The following EFCAB6 variants were observed in gnomAD, a reference collection of about 807,000 sequenced individuals.
EFCAB6 encodes EF-hand calcium binding domain 6.
A neutral mutation model predicts 169.8 loss-of-function variants in EFCAB6; 156 were observed. The ratio of observed to expected loss-of-function variants is 0.92; its 90% confidence interval spans 0.81 to 1.05. EFCAB6 has a LOEUF of 1.05. EFCAB6 is among the 50% of genes least tolerant of loss of function. The pLI, the probability that EFCAB6 is intolerant of heterozygous loss-of-function variation, is 0.00. For missense variants in EFCAB6, 1,800 were observed against 1,829.1 expected (o/e 0.98, Z 0.29); for synonymous variants, 698 against 676.4 (o/e 1.03, Z -0.50).
At chr22:43,763,083 G>A (rs145671793) in intron 5 of EFCAB6, among the ~76,000 whole-genome samples, 1 of 152,114 alleles carries the variant, frequency 6.6e-6, no homozygotes, top group Non-Finnish European at 1.5e-5. Context: ...CTGTCACCCA[G>A]GCTGGAGTGC....
At chr22:43,699,980 C>T (rs2058709302) in intron 10 of EFCAB6, among the ~76,000 whole-genome samples, 3 of 152,174 alleles carry the variant, frequency 2.0e-5, no homozygotes, top group Non-Finnish European at 1.5e-5. Flanking sequence ...CAAGTTATAG[C>T]ATTCATTTAT....
chr22:43,617,117 A>G (rs959278392), intron 20 of EFCAB6, among the ~76,000 whole-genome samples: 1 of 152,238 alleles, frequency 6.6e-6, no homozygotes, highest in Admixed American at 6.5e-5. Flanking sequence ...TGGAATTTCG[A>G]GGGTGGAAAG....
intron 21 of EFCAB6, among the ~76,000 whole-genome samples, chr22:43,610,221 G>A (rs745731398): frequency 6.6e-6 from 1 of 152,158 alleles, no homozygotes; most frequent in African/African-American, 2.4e-5. Flanking sequence ...AAAAAGGTAA[G>A]AACACATAAT....
At chr22:43,661,224 A>T (rs1052455219) in intron 17 of EFCAB6, among the ~76,000 whole-genome samples, 1 of 152,076 alleles carries the variant, frequency 6.6e-6, no homozygotes, top group African/African-American at 2.4e-5. Context: ...AAAAATTTTT[A>T]AAAATTATTC....
At chr22:43,761,075 C>T (rs1485588047) in intron 5 of EFCAB6, among the ~76,000 whole-genome samples, 1 of 152,242 alleles carries the variant, frequency 6.6e-6, no homozygotes, top group Non-Finnish European at 1.5e-5. Flanking sequence ...TAAGCCACTG[C>T]ACCCAGCCTC....
At position 43,539,853 on chromosome 22, in the gene EFCAB6, G is replaced by A. The variant is rs58114465; in HGVS notation, c.3879+274C>T. On this transcript the variant is annotated intron_variant, in intron 28 of 31. Transcript: ENST00000262726. The stretch of plus-strand genomic sequence containing the variant: ...ACTGCACTGCGGACAGGTGCCTCCC[G>A]CCCTGCCTCTCGCTCCCTTTCCCAC... Among the ~76,000 whole-genome samples, 5,933 of 152,228 alleles carry A rather than the reference G, an allele frequency of 0.039. 127 individuals are homozygous for A. Among genetic ancestry groups the A allele is most frequent in the African/African-American group, 0.051 (2,139 of 41,538 alleles).
At chr22:43,584,299 C>A (rs2050915868) in intron 24 of EFCAB6, among the ~76,000 whole-genome samples, 6 of 152,212 alleles carry the variant, frequency 3.9e-5, no homozygotes, top group African/African-American at 1.4e-4. Flanking sequence ...ACAGCTGGGG[C>A]CTGCTTTCCT....
intron 26 of EFCAB6, among the ~76,000 whole-genome samples, chr22:43,564,460 A>G (rs1033807486): frequency 5.9e-5 from 4 of 67,270 alleles, no homozygotes; most frequent in African/African-American, 1.9e-4. Flanking sequence ...AAAAAAAAAG[A>G]AAAAAAAAAA....
intron 9 of EFCAB6, among the ~76,000 whole-genome samples, chr22:43,714,532 G>GAAA (rs11412286): frequency 6.8e-6 from 1 of 146,400 alleles, no homozygotes; most frequent in African/African-American, 2.5e-5. Context: ...CAAGGATCAA[G>GAAA]AAAAAAAAAA....
At chr22:43,644,308 T>C (rs2056009030) in intron 17 of EFCAB6, among the ~76,000 whole-genome samples, 1 of 152,064 alleles carries the variant, frequency 6.6e-6, no homozygotes. Flanking sequence ...GCACACGCCA[T>C]CCACTGAGGG....
chr22:43,598,311 G>GAAA lies in EFCAB6; in HGVS notation c.2876+1755_2876+1757dup, dbSNP rs57712759. ...GATGAAAGTGAGACACTGTCTCCGG[G>GAAA]AAAAAAAAAAAAAAAAAAAAAAAAA... is the stretch of plus-strand genomic sequence containing the variant. On this transcript the variant is annotated intron_variant, in intron 23 of 31. Transcript: ENST00000262726. 1.1e-4 allele frequency among the ~76,000 whole-genome samples: 12 copies of GAAA among 112,846 alleles called. 2 individuals are homozygous for GAAA. Among genetic ancestry groups the GAAA allele is most frequent in the African/African-American group, 3.9e-4 (11 of 28,008 alleles). The allele number at this position is 112,846 out of a possible 152,430, so 74.0% of individuals were successfully genotyped here.
chr22:43,563,723 T>G (rs2049233121), intron 26 of EFCAB6, among the ~76,000 whole-genome samples: 1 of 152,080 alleles, frequency 6.6e-6, no homozygotes, highest in African/African-American at 2.4e-5. Context: ...CAGACAGACG[T>G]GGGTTGAGTT....
intron 11 of EFCAB6, among the ~76,000 whole-genome samples, chr22:43,684,326 G>T (rs1167741612): frequency 6.6e-6 from 1 of 152,134 alleles, no homozygotes; most frequent in Non-Finnish European, 1.5e-5. Flanking sequence ...CAATGACCAT[G>T]ATGCCCTACG....
At chr22:43,618,165 G>GGAAGGAAAGAAAGAAAGAAAGAAA (rs1486097443) in intron 20 of EFCAB6, among the ~76,000 whole-genome samples, 11 of 68,236 alleles carry the variant, frequency 1.6e-4, no homozygotes, top group African/African-American at 2.9e-4. Flanking sequence ...AAGGAAGGAA[G>GGAAGGAAAGAAAGAAAGAAAGAAA]GAAAGAAAGA....
At chr22:43,557,432 T>A (rs1056151240) in intron 26 of EFCAB6, among the ~76,000 whole-genome samples, 8 of 152,134 alleles carry the variant, frequency 5.3e-5, no homozygotes, top group Admixed American at 5.2e-4. Flanking sequence ...AATTAGCAAA[T>A]AAAGATTCAA....
intron 23 of EFCAB6, among the ~76,000 whole-genome samples, chr22:43,598,319 A>AAAAAC (rs2052198946): frequency 1.3e-5 from 2 of 148,894 alleles, no homozygotes; most frequent in African/African-American, 4.9e-5. Context: ...GGGAAAAAAA[A>AAAAAC]AAAAAAAAAA....
Position 43,632,195 on chromosome 22 carries a change from T to C in EFCAB6, c.2142A>G (p.Pro714=). The C allele has an allele frequency of 6.2e-7, 1 of 1,614,110 alleles. No homozygotes were observed. Among genetic ancestry groups the C allele is most frequent in the Non-Finnish European group, 8.5e-7 (1 of 1,179,998 alleles). Residue 714 remains proline (P), a synonymous_variant, in exon 19 of 32, where the codon CCA becomes CCG. Coordinates refer to ENST00000262726, the MANE Select transcript of EFCAB6 (RefSeq NM_022785.4). ...RGPETTPPQP[P]TPSKSYVNSH... ...TGTTCACGTAACTTTTTGAAGGAGT[T>C]GGAGGCTGCGGCGGAGTGGTTTCCG...
intron 24 of EFCAB6, among the ~76,000 whole-genome samples, chr22:43,589,454 G>C (rs8138190): frequency 6.6e-6 from 1 of 151,934 alleles, no homozygotes; most frequent in Non-Finnish European, 1.5e-5. Context: ...GTAGAACTAC[G>C]TGATTCCTGC....
chr22:43,556,384 C>T (rs1224256848), intron 26 of EFCAB6, among the ~76,000 whole-genome samples: 6 of 152,094 alleles, frequency 3.9e-5, no homozygotes, highest in South Asian at 4.1e-4. Flanking sequence ...GCGTGGGAGT[C>T]GGGAACAAGT....
Sources: gnomAD v4.1 joint callset for allele counts (sites outside exome capture counted in the v4.1 genomes callset) on GRCh38, gnomAD v4.1.1 for gene constraint, MANE v1.5 for transcripts, NCBI Gene and HGNC (gene_info 2026-07-23, HGNC 2026-07-21) for gene names.